The following RAD51B variants were observed in gnomAD, a reference collection of about 807,000 sequenced individuals.
RAD51B encodes the protein RAD51 paralog B, also known as DNA repair protein RAD51 homolog 2.
Under a neutral mutation model 42.2 loss-of-function variants are expected in RAD51B, and 38 were observed. That is an observed-to-expected ratio of 0.90 (90% confidence interval 0.70 to 1.18). The LOEUF is 1.18. RAD51B is among the 50% of genes most tolerant of loss of function. RAD51B has a pLI of 0.00. For synonymous variants in RAD51B, 154 were observed against 145.2 expected, an observed-to-expected ratio of 1.06 and a Z score of -0.43; for missense variants, 373 against 400.7, an observed-to-expected ratio of 0.93 and a Z score of 0.59.
chr14:68,544,095 C>G (rs1888101973), intron 10 of RAD51B, among the ~76,000 whole-genome samples: 1 of 152,134 alleles, frequency 6.6e-6, no homozygotes, highest in Non-Finnish European at 1.5e-5. Context: ...ATCTCAAAAT[C>G]AATTTAACTA....
At chr14:68,284,832 C>T (rs2081383192) in intron 7 of RAD51B, among the ~76,000 whole-genome samples, 1 of 151,842 alleles carries the variant, frequency 6.6e-6, no homozygotes, top group South Asian at 2.1e-4. Flanking sequence ...AATACTAAAA[C>T]CACATTTGTT....
At chr14:68,388,623 G>GTA (rs772688472) in intron 8 of RAD51B, among the ~76,000 whole-genome samples, 13 of 152,132 alleles carry the variant, frequency 8.5e-5, no homozygotes, top group Non-Finnish European at 1.9e-4. Flanking sequence ...GAAAGTGAAT[G>GTA]TATATATTCA....
intron 7 of RAD51B, among the ~76,000 whole-genome samples, chr14:67,977,225 A>G (rs2075012740): frequency 1.3e-5 from 2 of 152,324 alleles, no homozygotes; most frequent in South Asian, 2.1e-4. Flanking sequence ...TCTTTATTGT[A>G]GTGTGCTGTG....
intron 10 of RAD51B, chr14:68,561,931 T>A: frequency 1.0e-6 from 1 of 982,440 alleles, no homozygotes; most frequent in East Asian, 1.1e-4. Flanking sequence ...AATGAGGTCA[T>A]GTGTGCAAAG....
At chr14:68,322,679 C>T (rs1157197433) in intron 8 of RAD51B, among the ~76,000 whole-genome samples, 1 of 152,150 alleles carries the variant, frequency 6.6e-6, no homozygotes, top group Non-Finnish European at 1.5e-5. Context: ...AGAATCTTCC[C>T]CTCCAGGCCT....
chr14:68,174,771 T>A (rs913298039), intron 7 of RAD51B, among the ~76,000 whole-genome samples: 3 of 152,220 alleles, frequency 2.0e-5, no homozygotes, highest in Non-Finnish European at 2.9e-5. Flanking sequence ...AAACCTATTC[T>A]GACCTACCTA....
At chr14:68,411,037 G>C (rs1462262410) in intron 8 of RAD51B, among the ~76,000 whole-genome samples, 2 of 152,142 alleles carry the variant, frequency 1.3e-5, no homozygotes, top group Non-Finnish European at 2.9e-5. Flanking sequence ...AGCTAAAAAT[G>C]TCTAACAACT....
At chr14:68,203,853 T>G (rs1170699057) in intron 7 of RAD51B, among the ~76,000 whole-genome samples, 1 of 152,252 alleles carries the variant, frequency 6.6e-6, no homozygotes, top group Non-Finnish European at 1.5e-5. Context: ...CAACCCCTGC[T>G]AACTTCCAAC....
chr14:67,884,837 CTCTCT>C (rs1366420126), intron 5 of RAD51B, among the ~76,000 whole-genome samples: 6 of 152,202 alleles, frequency 3.9e-5, no homozygotes, highest in East Asian at 1.9e-4. Flanking sequence ...TGTTGAAGTT[CTCTCT>C]TCTCTTTTCC....
At chr14:67,926,260 C>T (rs557860624) in intron 7 of RAD51B, among the ~76,000 whole-genome samples, 40 of 152,310 alleles carry the variant, frequency 2.6e-4, no homozygotes, top group Middle Eastern at 3.4e-3. Context: ...ACCCAAGTCA[C>T]CTCTTGAATA....
intron 10 of RAD51B, among the ~76,000 whole-genome samples, chr14:68,556,155 A>G (rs1888832329): frequency 2.0e-5 from 3 of 152,152 alleles, no homozygotes; most frequent in Admixed American, 2.0e-4. Context: ...TTAAGTACCT[A>G]CTATATTCTG....
At chr14:68,182,750 A>C (rs2079079585) in intron 7 of RAD51B, among the ~76,000 whole-genome samples, 1 of 152,206 alleles carries the variant, frequency 6.6e-6, no homozygotes, top group South Asian at 2.1e-4. Flanking sequence ...CCTTCCGGGG[A>C]AAATGTTAAG....
rs1329728868 is a variant in RAD51B, at chr14:68,586,907, A to AGGC, written c.1037-7577_1037-7575dup. ...GTAATCCCAGCTACTTGGGAGGCTG[A>AGGC]GGCAGGAGAATCACTTGAACCTAGG... On this transcript the variant is annotated intron_variant, in intron 10 of 10. Coordinates refer to the RAD51B transcript ENST00000487270. Among the ~76,000 whole-genome samples, 13 of 152,150 alleles carry AGGC rather than the reference A, an allele frequency of 8.5e-5. No homozygotes were observed. The East Asian group carries it at 2.5e-3, about 29-fold the overall frequency.
chr14:68,198,032 G>A (rs1595539810), intron 7 of RAD51B, among the ~76,000 whole-genome samples: 1 of 152,144 alleles, frequency 6.6e-6, no homozygotes, highest in East Asian at 1.9e-4. Context: ...TCAACCTCAT[G>A]GTTGCAGCAA....
intron 7 of RAD51B, among the ~76,000 whole-genome samples, chr14:67,985,098 A>G (rs987845498): frequency 1.3e-5 from 2 of 152,204 alleles, no homozygotes; most frequent in Non-Finnish European, 2.9e-5. Flanking sequence ...TGGAGTTAAA[A>G]AAATTATTTT....
intron 7 of RAD51B, among the ~76,000 whole-genome samples, chr14:68,235,281 C>T (rs2080224434): frequency 6.6e-6 from 1 of 151,868 alleles, no homozygotes; most frequent in South Asian, 2.1e-4. Flanking sequence ...AGGAATTTTT[C>T]AGCTCCATTA....
intron 10 of RAD51B, among the ~76,000 whole-genome samples, chr14:68,649,872 G>A (rs966732807): frequency 2.0e-5 from 3 of 152,212 alleles, no homozygotes; most frequent in African/African-American, 4.8e-5. Context: ...TTATACAGGA[G>A]TAAGATGTAA....
At chr14:68,374,334 G>A (rs2083321926) in intron 8 of RAD51B, among the ~76,000 whole-genome samples, 4 of 152,196 alleles carry the variant, frequency 2.6e-5, no homozygotes, top group Admixed American at 2.6e-4. Flanking sequence ...GTCTTGTGTT[G>A]TACTTCCTGG....
At chr14:68,611,290 C>G in exon 11 of RAD51B, 1 of 700,254 alleles carries the variant, frequency 1.4e-6, no homozygotes, top group Middle Eastern at 2.3e-4. Flanking sequence ...CTACATTTAA[C>G]ATCCGACAGC....
Sources: gnomAD v4.1 joint callset for allele counts (sites outside exome capture counted in the v4.1 genomes callset) on GRCh38, gnomAD v4.1.1 for gene constraint, MANE v1.5 for transcripts, NCBI Gene and HGNC (gene_info 2026-07-23, HGNC 2026-07-21) for gene names.